Variants in FHIT observed in about 807,000 individuals in gnomAD.
FHIT encodes the protein bis(5'-adenosyl)-triphosphatase.
FHIT carries 19 observed loss-of-function variants against 17.9 expected under a neutral mutation model. The observed-to-expected ratio is 1.06, with a 90% CI of 0.74 to 1.56. The LOEUF (loss-of-function observed/expected upper bound fraction) is 1.56, where lower values mean the gene tolerates loss of function less well. FHIT is among the 40% of genes most tolerant of loss of function. The pLI is 0.00. For missense variants in FHIT, 248 were observed against 189.2 expected (o/e 1.31, Z -1.82); for synonymous variants, 81 against 69.7 (o/e 1.16, Z -0.81).
At chr3:61,086,767 C>T (rs1027904285) in intron 2 of FHIT, among the ~76,000 whole-genome samples, 46 of 152,030 alleles carry the variant, frequency 3.0e-4, no homozygotes, top group African/African-American at 1.1e-3. Context: ...TTACCAGAAG[C>T]AGAAATTCAT....
chr3:60,955,635 C>CATATATATATATACATATATATATACAT (rs1553778580), intron 3 of FHIT, among the ~76,000 whole-genome samples: 1 of 48,346 alleles, frequency 2.1e-5, no homozygotes, highest in Non-Finnish European at 4.4e-5. Context: ...TATATATATA[C>CATATATATATATACATATATATATACAT]ACACACACAC....
intron 3 of FHIT, among the ~76,000 whole-genome samples, chr3:60,974,761 C>T (rs550106556): frequency 6.6e-6 from 1 of 152,128 alleles, no homozygotes; most frequent in African/African-American, 2.4e-5. Context: ...AAGATTTATT[C>T]CAGTCCACTG....
At position 60,157,317 on chromosome 3, in the gene FHIT, T is replaced by A. The variant is rs183840177; in HGVS notation, c.104-143165A>T. Among the ~76,000 whole-genome samples, 265 of 152,298 alleles carry A rather than the reference T, an allele frequency of 1.7e-3. 2 individuals carry two copies. Among genetic ancestry groups the A allele is most frequent in the African/African-American group, 5.5e-3 (230 of 41,570 alleles). ...TAGCAGGCACATCAAGAGCTTTTTT[T>A]AAATCTACCGCAACGTGGAAAAGTC... On this transcript the variant is annotated intron_variant, in intron 5 of 9. Coordinates refer to ENST00000492590, the MANE Select transcript of FHIT (RefSeq NM_002012.4).
intron 5 of FHIT, among the ~76,000 whole-genome samples, chr3:60,467,850 G>A (rs940092480): frequency 6.6e-6 from 1 of 152,092 alleles, no homozygotes; most frequent in African/African-American, 2.4e-5. Context: ...TGCAGATTAA[G>A]TAAGATGTTT....
chr3:60,184,479 T>C (rs1702078479), intron 5 of FHIT, among the ~76,000 whole-genome samples: 2 of 152,192 alleles, frequency 1.3e-5, no homozygotes, highest in East Asian at 1.9e-4. Flanking sequence ...GTCTTTCTCA[T>C]GATTGCACTA....
At chr3:61,160,320 A>T (rs1230740070) in intron 2 of FHIT, among the ~76,000 whole-genome samples, 1 of 152,194 alleles carries the variant, frequency 6.6e-6, no homozygotes. Flanking sequence ...ATGATCTACC[A>T]TCAAGTAGGA....
chr3:59,909,014 GT>G (rs1312431614), intron 8 of FHIT, among the ~76,000 whole-genome samples: 1 of 151,700 alleles, frequency 6.6e-6, no homozygotes, highest in African/African-American at 2.4e-5. Context: ...CAACTGGCTA[GT>G]TTATTTTTAT....
intron 5 of FHIT, among the ~76,000 whole-genome samples, chr3:60,449,283 G>T (rs1459948716): frequency 6.6e-6 from 1 of 152,114 alleles, no homozygotes; most frequent in Non-Finnish European, 1.5e-5. Flanking sequence ...AGCCTTTTGT[G>T]CCGAAAAGCT....
intron 5 of FHIT, among the ~76,000 whole-genome samples, chr3:60,303,175 T>G (rs953597293): frequency 2.0e-5 from 3 of 152,162 alleles, no homozygotes; most frequent in Non-Finnish European, 4.4e-5. Context: ...CAAATTGATA[T>G]GCAAGCCTGT....
chr3:60,553,977 C>A (rs2036655838), intron 4 of FHIT, among the ~76,000 whole-genome samples: 1 of 152,166 alleles, frequency 6.6e-6, no homozygotes, highest in East Asian at 1.9e-4. Context: ...ATCCCAGCTA[C>A]TTGGGAGGCT....
intron 5 of FHIT, among the ~76,000 whole-genome samples, chr3:60,156,644 C>A (rs1700709621): frequency 6.6e-6 from 1 of 151,976 alleles, no homozygotes; most frequent in African/African-American, 2.4e-5. Context: ...CCCATCTACT[C>A]AGGAGGCTGA....
chr3:60,088,926 G>A (rs1703613998), intron 5 of FHIT, among the ~76,000 whole-genome samples: 1 of 152,134 alleles, frequency 6.6e-6, no homozygotes, highest in South Asian at 2.1e-4. Flanking sequence ...GACTTGGTTA[G>A]GAAAGACTAT....
rs1476597224 is a variant in FHIT at position 60,893,668 on chromosome 3, A to T, written c.-110-71657T>A. On this transcript the variant is annotated intron_variant, in intron 3 of 9. Transcript: ENST00000492590. ...AGAATAACTTCTGCTAAGCTAGGCA[A>T]CCACATCTCTCCAAGCCATCCTTAA... 3.9e-5 allele frequency among the ~76,000 whole-genome samples: 6 copies of T among 152,282 alleles called. No individual in the cohort carries two copies. In the East Asian group the frequency reaches 9.7e-4, roughly 25 times the overall value.
At position 60,281,206 on chromosome 3, in the gene FHIT, A is replaced by C. The variant is rs148248903; in HGVS notation, c.103+255654T>G. ...TGATGAAAGAAATAAAATCTAAATA[A>C]ACGAATAGATATTCTGTGTTCATGG... On this transcript the variant is annotated intron_variant, in intron 5 of 9. Coordinates refer to ENST00000492590, the MANE Select transcript of FHIT (RefSeq NM_002012.4). Among the ~76,000 whole-genome samples, 607 of 152,264 alleles carry C rather than the reference A, an allele frequency of 4.0e-3. 4 individuals are homozygous for C. The highest frequency in any genetic ancestry group is 0.014 in the African/African-American group (581 of 41,582).
intron 2 of FHIT, among the ~76,000 whole-genome samples, chr3:61,102,795 T>A (rs1472555249): frequency 6.6e-6 from 1 of 152,204 alleles, no homozygotes; most frequent in Non-Finnish European, 1.5e-5. Flanking sequence ...GGTGTATGTG[T>A]CCAGGAATTT....
intron 8 of FHIT, among the ~76,000 whole-genome samples, chr3:59,787,811 C>T (rs190500393): frequency 1.3e-5 from 2 of 152,306 alleles, no homozygotes; most frequent in Admixed American, 6.5e-5. Context: ...CAAGGTCACT[C>T]GGTTCAGTTG....
chr3:60,495,658 T>C (rs1184806024), intron 5 of FHIT, among the ~76,000 whole-genome samples: 3 of 152,118 alleles, frequency 2.0e-5, no homozygotes, highest in Admixed American at 6.6e-5. Context: ...TTTCCATAAA[T>C]GAATCCATGT....
intron 5 of FHIT, among the ~76,000 whole-genome samples, chr3:60,520,827 C>A (rs770315899): frequency 6.6e-6 from 1 of 151,996 alleles, no homozygotes; most frequent in Non-Finnish European, 1.5e-5. Context: ...ACCACTATGG[C>A]AAAGCAACTC....
At chr3:60,339,175 C>G (rs1364996523) in intron 5 of FHIT, among the ~76,000 whole-genome samples, 1 of 151,996 alleles carries the variant, frequency 6.6e-6, no homozygotes. Context: ...GTGATTTTTG[C>G]TCTTTGATCT....
Sources: allele counts gnomAD v4.1 joint callset (sites outside exome capture counted in the v4.1 genomes callset), GRCh38; gene constraint gnomAD v4.1.1; transcripts MANE v1.5; gene names NCBI Gene and HGNC (gene_info 2026-07-23, HGNC 2026-07-21).